The following PKD1L1 variants were observed in gnomAD, a reference collection of about 807,000 sequenced individuals.
The protein encoded by PKD1L1 is polycystin 1 like 1, transient receptor potential channel interacting.
Under a neutral mutation model 323.4 loss-of-function variants are expected in PKD1L1, and 236 were observed. The ratio of observed to expected loss-of-function variants is 0.73; its 90% CI spans 0.66 to 0.81. The LOEUF is 0.81. Ranked by LOEUF, PKD1L1 falls within the 40% of genes least tolerant of loss-of-function variation. PKD1L1 has a pLI of 0.00. For synonymous variants in PKD1L1, 1,344 were observed against 1,335.0 expected, an observed-to-expected ratio of 1.01 and a Z score of -0.15; for missense variants, 3,320 against 3,508.0, an observed-to-expected ratio of 0.95 and a Z score of 1.35.
At chr7:47,832,419 C>CT in intron 41 of PKD1L1, among the ~76,000 whole-genome samples, 1 of 152,312 alleles carries the variant, frequency 6.6e-6, no homozygotes, top group East Asian at 1.9e-4. Flanking sequence ...CAGAAAGGAT[C>CT]TTTTTTGTGC....
At chr7:47,831,526 T>C (rs1785349330) in intron 41 of PKD1L1, among the ~76,000 whole-genome samples, 174 bp from the exon 42 acceptor site, 1 of 152,164 alleles carries the variant, frequency 6.6e-6, no homozygotes, top group Non-Finnish European at 1.5e-5. Context: ...CCAGGTGGCA[T>C]TAAGATCTGA....
chr7:47,827,230 A>G (rs1028840349), intron 45 of PKD1L1, 120 bp downstream of exon 45: 15 of 883,660 alleles, frequency 1.7e-5, no homozygotes, highest in Middle Eastern at 3.7e-4. Flanking sequence ...GGTGGTCCCC[A>G]CCTCCACTCC....
intron 47 of PKD1L1, 140 bp from the exon 48 acceptor site, chr7:47,814,154 C>A: frequency 1.6e-6 from 1 of 620,822 alleles, no homozygotes; most frequent in Non-Finnish European, 2.8e-6. Context: ...CCTTCCAATA[C>A]CATTTTAGGG....
chr7:47,874,527 T>C (rs78930184), intron 23 of PKD1L1, among the ~76,000 whole-genome samples: 3,251 of 152,228 alleles, frequency 0.021, 113 homozygotes, highest in African/African-American at 0.074. Context: ...ATTTTGGAGG[T>C]TGACACTTCT....
At chr7:47,826,810 T>C (rs1490720907) in intron 45 of PKD1L1, among the ~76,000 whole-genome samples, 1 of 152,226 alleles carries the variant, frequency 6.6e-6, no homozygotes, top group Non-Finnish European at 1.5e-5. Flanking sequence ...GTTTGTGTTT[T>C]ATCTAAAAGA....
Position 47,940,306 on chromosome 7 carries a change from T to C in PKD1L1, c.172A>G (p.Asn58Asp), listed in dbSNP as rs1181214341. 6.2e-7 allele frequency: 1 copy of C among 1,613,638 alleles called. No homozygotes were observed. The highest frequency in any genetic ancestry group is 8.5e-7 in the Non-Finnish European group (1 of 1,179,832). ...GGGLWVEVYA[N>D]HVLLMSDGKC... is the part of the protein sequence containing the mutation. The stretch of plus-strand genomic sequence containing the variant: ...CCATCACTCATAAGAAGCACATGAT[T>C]AGCATAGACCTCTAGAGAAAAAAAA... The change falls in exon 3 of 57, where the codon AAT becomes GAT. Residue 58 changes from asparagine to aspartate, a missense_variant. Asn to Asp is a conservative substitution (Grantham distance 23, BLOSUM62 1). Coordinates refer to ENST00000289672, the MANE Select transcript of PKD1L1 (RefSeq NM_138295.5).
At chr7:47,838,163 A>G (rs1279046017) in intron 36 of PKD1L1, among the ~76,000 whole-genome samples, 3 of 152,232 alleles carry the variant, frequency 2.0e-5, no homozygotes, top group South Asian at 2.1e-4. Context: ...GAATTTCCAC[A>G]TGCTGTGGCT....
rs143353908 is a variant in PKD1L1 at position 47,898,039 on chromosome 7, G to A, written c.2220C>T (p.Leu740=). The A allele has an allele frequency of 5.2e-4, 840 of 1,613,492 alleles. 6 individuals carry two copies. The African/African-American group carries it at 9.6e-3, about 18-fold the overall frequency. ...PAAVDTHRQT[L]ILPSHTLEYG... Reference sequence around the variant, plus strand: ...ACTCCAAGGTGTGGCTCGGGAGGATGAGGGTCTGTCTGTGAGTGTCCACAG... The same window carrying A: ...ACTCCAAGGTGTGGCTCGGGAGGATAAGGGTCTGTCTGTGAGTGTCCACAG... The change falls in exon 14 of 57, where the codon CTC becomes CTT. Residue 740 remains leucine, a synonymous_variant. Transcript: ENST00000289672.
At chr7:47,819,443 G>GT (rs1785092505) in intron 46 of PKD1L1, 1 of 939,400 alleles carries the variant, frequency 1.1e-6, no homozygotes, top group East Asian at 7.2e-5. Flanking sequence ...AAAGCCAGAG[G>GT]TTTTTCATGT....
At chr7:47,882,159 T>A in intron 19 of PKD1L1, 74 bp from the exon 20 acceptor site, 1 of 1,451,566 alleles carries the variant, frequency 6.9e-7, no homozygotes, top group Non-Finnish European at 9.5e-7. Context: ...AGTGATTCAA[T>A]GCTGATATTA....
At chr7:47,882,301 C>CTAT (rs746305021) in intron 19 of PKD1L1, among the ~76,000 whole-genome samples, 14 of 150,312 alleles carry the variant, frequency 9.3e-5, no homozygotes, top group Non-Finnish European at 2.1e-4. Context: ...TCCCTCCCTC[C>CTAT]CTCCCTTCCT....
rs1204585927 is a variant in PKD1L1, at chr7:47,842,357, G to C, written c.5445+605C>G. 9.9e-5 allele frequency among the ~76,000 whole-genome samples: 15 copies of C among 151,908 alleles called. 1 individual carries two copies. Among genetic ancestry groups the C allele is most frequent in the Admixed American group, 9.2e-4 (14 of 15,264 alleles). On this transcript the variant is annotated intron_variant, in intron 34 of 56. Coordinates refer to ENST00000289672, the MANE Select transcript of PKD1L1 (RefSeq NM_138295.5). Reference sequence around the variant, plus strand: ...TTCTCATCCACACCCCAATCCTATTGCTTCCATAAAGTAACCATGGTTCCC... The same window carrying C: ...TTCTCATCCACACCCCAATCCTATTCCTTCCATAAAGTAACCATGGTTCCC...
At chr7:47,837,380 C>G (rs1393405503) in intron 36 of PKD1L1, among the ~76,000 whole-genome samples, 1 of 152,174 alleles carries the variant, frequency 6.6e-6, no homozygotes, top group African/African-American at 2.4e-5. Context: ...CCTCCTTCAG[C>G]CTTCTTGGCA....
At chr7:47,929,165 TC>T in intron 7 of PKD1L1, 38 bp downstream of exon 7, 1 of 1,581,220 alleles carries the variant, frequency 6.3e-7, no homozygotes. Flanking sequence ...GCTCAGGACC[TC>T]CTTCCCAGGC....
At chr7:47,780,761 T>A (rs868045274) in intron 56 of PKD1L1, among the ~76,000 whole-genome samples, 39 of 152,256 alleles carry the variant, frequency 2.6e-4, no homozygotes, top group Non-Finnish European at 1.5e-5. Flanking sequence ...TTTGTCTTTA[T>A]TGCTTAGTAG....
intron 56 of PKD1L1, among the ~76,000 whole-genome samples, chr7:47,777,579 A>C (rs1018921402): frequency 1.3e-5 from 2 of 152,226 alleles, no homozygotes; most frequent in Non-Finnish European, 2.9e-5. Flanking sequence ...AACTATTGTC[A>C]AAGGTTATAA....
chr7:47,901,949 T>C (rs1313239876), intron 13 of PKD1L1, among the ~76,000 whole-genome samples: 1 of 152,116 alleles, frequency 6.6e-6, no homozygotes, highest in Non-Finnish European at 1.5e-5. Flanking sequence ...TCCTTTCATT[T>C]TGGTGTTACA....
chr7:47,855,387 T>C (rs950612173), intron 28 of PKD1L1, 122 bp from the exon 29 acceptor site: 2 of 613,078 alleles, frequency 3.3e-6, no homozygotes, highest in African/African-American at 1.8e-5. Context: ...ATGCCTGATA[T>C]TAGAAGCTAG....
At position 47,827,452 on chromosome 7, in the gene PKD1L1, T is replaced by C; in HGVS notation, c.6752A>G (p.Gln2251Arg). ...CGCCCAGCGCAGGTGGCGAGCTTGT[T>C]GTCGGGCAGCCAAGACCTGTCAGGG... ...GEVEKVLAAR[Q>R]QARHLRWAHP... Residue 2251 changes from glutamine (Q) to arginine (R), a missense_variant, in exon 45 of 57, where the codon CAA becomes CGA. By Grantham distance (43) the Gln-to-Arg change is conservative. Transcript: ENST00000289672. The C allele has an allele frequency of 6.2e-7, 1 of 1,609,688 alleles. No individual in the cohort carries two copies. The highest frequency in any genetic ancestry group is 8.5e-7 in the Non-Finnish European group (1 of 1,179,026).
Sources: allele counts gnomAD v4.1 joint callset (sites outside exome capture counted in the v4.1 genomes callset), GRCh38; gene constraint gnomAD v4.1.1; transcripts MANE v1.5; gene names NCBI Gene and HGNC (gene_info 2026-07-23, HGNC 2026-07-21).